Variants in MICU1 observed in about 807,000 individuals in gnomAD.
MICU1 encodes the protein calcium uptake protein 1, mitochondrial.
Under a neutral mutation model 56.8 loss-of-function variants are expected in MICU1, and 45 were observed. That is an observed-to-expected ratio of 0.79 (90% CI 0.62 to 1.02). The LOEUF (loss-of-function observed/expected upper bound fraction) is 1.02, where lower values mean the gene tolerates loss of function less well. Among genes scored for constraint, MICU1 ranks in the 50% least tolerant of loss-of-function variants. MICU1 has a pLI of 0.00. For missense variants in MICU1, 504 were observed against 587.1 expected (o/e 0.86, Z 1.46); for synonymous variants, 186 against 195.1 (o/e 0.95, Z 0.39).
At chr10:72,503,369 C>G (rs2132335716) in intron 6 of MICU1, among the ~76,000 whole-genome samples, 1 of 152,286 alleles carries the variant, frequency 6.6e-6, no homozygotes, top group East Asian at 1.9e-4. Context: ...AGGGATGATT[C>G]TTCCCCACCC....
intron 1 of MICU1, among the ~76,000 whole-genome samples, chr10:72,624,491 A>G (rs534186173): frequency 6.4e-4 from 98 of 152,324 alleles, no homozygotes; most frequent in African/African-American, 2.3e-3. Flanking sequence ...TTTATTCTTA[A>G]ACACAGGAAA....
intron 6 of MICU1, among the ~76,000 whole-genome samples, chr10:72,486,264 G>A (rs187753769): frequency 1.3e-5 from 2 of 152,160 alleles, no homozygotes; most frequent in African/African-American, 2.4e-5. Context: ...GCCATTTTCA[G>A]TATTGTTGGT....
chr10:72,610,217 C>T (rs1841806188), intron 1 of MICU1, among the ~76,000 whole-genome samples: 1 of 144,030 alleles, frequency 6.9e-6, no homozygotes. Flanking sequence ...GCTATGATCA[C>T]ACCACTGTAC....
chr10:72,390,345 G>A (rs1187872611), intron 10 of MICU1, among the ~76,000 whole-genome samples: 2 of 152,284 alleles, frequency 1.3e-5, no homozygotes, highest in Non-Finnish European at 2.9e-5. Context: ...ATGGTCTGGA[G>A]TAAATCAAAT....
At chr10:72,508,999 A>C (rs530855328) in intron 5 of MICU1, among the ~76,000 whole-genome samples, 1 of 152,316 alleles carries the variant, frequency 6.6e-6, no homozygotes, top group East Asian at 1.9e-4. Context: ...TCTCACAAAG[A>C]AAGTTAGTTC....
chr10:72,527,251 C>A (rs1419314489), intron 5 of MICU1, among the ~76,000 whole-genome samples: 1 of 151,944 alleles, frequency 6.6e-6, no homozygotes, highest in Non-Finnish European at 1.5e-5. Context: ...GTCATACAGA[C>A]AACTGGATTA....
In MICU1 at chr10:72,490,188, C is replaced by G. The variant is rs115530413; in HGVS notation, c.653-12932G>C. On this transcript the variant is annotated intron_variant, in intron 6 of 11. Transcript: ENST00000361114. ...TCATTATTTTATATGCCTCCTCCCT[C>G]CATTAGACTGTAGCTGCTCTACATA... Among the ~76,000 whole-genome samples the G allele has an allele frequency of 9.2e-3, 1,393 of 152,216 alleles. 27 individuals are homozygous for G. Among genetic ancestry groups the G allele is most frequent in the African/African-American group, 0.031 (1,293 of 41,510 alleles).
intron 8 of MICU1, among the ~76,000 whole-genome samples, chr10:72,441,952 G>A (rs923258301): frequency 2.0e-5 from 3 of 151,998 alleles, no homozygotes; most frequent in Admixed American, 1.3e-4. Context: ...ACTTGAGAGA[G>A]GCAAATATTT....
At chr10:72,457,440 C>T (rs1359409022) in intron 8 of MICU1, among the ~76,000 whole-genome samples, 9 of 150,422 alleles carry the variant, frequency 6.0e-5, no homozygotes, top group African/African-American at 2.0e-4. Flanking sequence ...AGGCTGGTCT[C>T]GAACTCTATA....
chr10:72,581,936 T>C lies in MICU1; in HGVS notation c.-1-15142A>G, dbSNP rs536414375. ...ATCCTGAGTGTTTTTGTTTTTTGGT[T>C]TTTGTTTTTCAGATGGAGTTTTCAC... is the stretch of plus-strand genomic sequence containing the variant. On this transcript the variant is annotated intron_variant, in intron 1 of 11. Coordinates refer to ENST00000361114, the MANE Select transcript of MICU1 (RefSeq NM_001195518.2). 9.8e-5 allele frequency among the ~76,000 whole-genome samples: 15 copies of C among 152,288 alleles called. No individual in the cohort carries two copies. In the South Asian group the frequency reaches 2.9e-3, roughly 29 times the overall value.
intron 6 of MICU1, chr10:72,477,474 A>G (rs1866159866): frequency 2.0e-6 from 3 of 1,520,854 alleles, no homozygotes; most frequent in Non-Finnish European, 2.6e-6. Flanking sequence ...TACGGCCAGT[A>G]AAGACAGCAC....
chr10:72,607,916 A>G (rs1472386985), intron 1 of MICU1, among the ~76,000 whole-genome samples: 1 of 152,180 alleles, frequency 6.6e-6, no homozygotes, highest in Non-Finnish European at 1.5e-5. Flanking sequence ...ACATTCAACT[A>G]GTATCAGACA....
chr10:72,566,380 TC>T (rs895235177), intron 2 of MICU1, among the ~76,000 whole-genome samples: 23 of 152,228 alleles, frequency 1.5e-4, no homozygotes, highest in African/African-American at 5.5e-4. Context: ...GCTATTGCTA[TC>T]CCTATCCCAT....
intron 10 of MICU1, among the ~76,000 whole-genome samples, chr10:72,380,804 T>A (rs1333380893): frequency 6.6e-6 from 1 of 152,168 alleles, no homozygotes; most frequent in Non-Finnish European, 1.5e-5. Flanking sequence ...CTCCATGACA[T>A]GAATCTGTCA....
At chr10:72,431,567 A>G (rs1340157817) in intron 8 of MICU1, among the ~76,000 whole-genome samples, 1 of 152,208 alleles carries the variant, frequency 6.6e-6, no homozygotes, top group Non-Finnish European at 1.5e-5. Flanking sequence ...TTCTGAGACT[A>G]GGGTATATAT....
At chr10:72,451,922 T>C (rs1051202753) in intron 8 of MICU1, among the ~76,000 whole-genome samples, 2 of 152,164 alleles carry the variant, frequency 1.3e-5, no homozygotes, top group Non-Finnish European at 2.9e-5. Flanking sequence ...TGGACTGCAG[T>C]GGTACGATCT....
At chr10:72,564,001 G>A (rs888751682) in intron 2 of MICU1, among the ~76,000 whole-genome samples, 1 of 140,194 alleles carries the variant, frequency 7.1e-6, no homozygotes, top group Non-Finnish European at 1.5e-5. Context: ...AATAATATAA[G>A]TATTTCTTTT....
At chr10:72,542,639 C>T (rs1228141789) in intron 4 of MICU1, among the ~76,000 whole-genome samples, 2 of 152,214 alleles carry the variant, frequency 1.3e-5, no homozygotes, top group Non-Finnish European at 2.9e-5. Flanking sequence ...TTACAGTGCT[C>T]CTTTAGCTCT....
At chr10:72,489,983 A>T (rs1866600092) in intron 6 of MICU1, among the ~76,000 whole-genome samples, 1 of 152,242 alleles carries the variant, frequency 6.6e-6, no homozygotes, top group African/African-American at 2.4e-5. Context: ...ATTGGTTCAG[A>T]CAGTTTTGGA....
Sources: allele counts gnomAD v4.1 joint callset (sites outside exome capture counted in the v4.1 genomes callset), GRCh38; gene constraint gnomAD v4.1.1; transcripts MANE v1.5; gene names NCBI Gene and HGNC (gene_info 2026-07-23, HGNC 2026-07-21).